The following CATSPERT variants were observed in gnomAD, a reference collection of about 807,000 sequenced individuals.
CATSPERT encodes catsper channel auxiliary subunit tau.
chr2:201,545,945 G>C, the CATSPERT span, among the ~76,000 whole-genome samples: 3 of 152,090 alleles, frequency 2.0e-5, no homozygotes, highest in Non-Finnish European at 4.4e-5. Flanking sequence ...ACTTCAGGGG[G>C]TATGAGAAGA....
chr2:201,580,537 T>C, the CATSPERT span, among the ~76,000 whole-genome samples: 12 of 152,238 alleles, frequency 7.9e-5, no homozygotes, highest in Non-Finnish European at 1.8e-4. Flanking sequence ...TCTTTTCTTC[T>C]CTTTTTTGAA....
chr2:201,545,572 T>C, the CATSPERT span: 1 of 1,476,078 alleles, frequency 6.8e-7, no homozygotes, highest in Non-Finnish European at 9.0e-7. Context: ...AAGCTCCTCT[T>C]CAGGATGATT....
chr2:201,529,690 C>T, the CATSPERT span, among the ~76,000 whole-genome samples: 1 of 152,102 alleles, frequency 6.6e-6, no homozygotes, highest in Admixed American at 6.5e-5. Flanking sequence ...CAATACTGGT[C>T]TATGCAATGA....
At chr2:201,502,295 C>T in the CATSPERT span, among the ~76,000 whole-genome samples, 2 of 152,202 alleles carry the variant, frequency 1.3e-5, no homozygotes, top group Non-Finnish European at 2.9e-5. Flanking sequence ...AAGTCTGGGC[C>T]GGGTGCAGTG....
chr2:201,542,408 A>G, the CATSPERT span, among the ~76,000 whole-genome samples: 1 of 152,196 alleles, frequency 6.6e-6, no homozygotes, highest in African/African-American at 2.4e-5. Flanking sequence ...GCAGGATCAT[A>G]TGATTTATCT....
At chr2:201,509,158 G>A in the CATSPERT span, among the ~76,000 whole-genome samples, 4 of 150,770 alleles carry the variant, frequency 2.7e-5, no homozygotes, top group Admixed American at 6.6e-5. Flanking sequence ...TCACCAACAC[G>A]TTATTTTCTT....
At chr2:201,616,325 C>T in the CATSPERT span, among the ~76,000 whole-genome samples, 6 of 152,240 alleles carry the variant, frequency 3.9e-5, no homozygotes, top group Admixed American at 2.6e-4. Context: ...ACTGGCAAAC[C>T]GAATCCAGCA....
At chr2:201,617,546 C>G in the CATSPERT span, among the ~76,000 whole-genome samples, 1 of 152,178 alleles carries the variant, frequency 6.6e-6, no homozygotes, top group East Asian at 1.9e-4. Context: ...ACGCCTTATA[C>G]AAAAATTAAT....
At chr2:201,512,833 T>C in the CATSPERT span, among the ~76,000 whole-genome samples, 5 of 151,642 alleles carry the variant, frequency 3.3e-5, no homozygotes, top group Non-Finnish European at 7.4e-5. Flanking sequence ...GGTAGTTGCA[T>C]GTATAGTTTT....
At chr2:201,593,143 A>G in the CATSPERT span, among the ~76,000 whole-genome samples, 1 of 150,320 alleles carries the variant, frequency 6.7e-6, no homozygotes, top group Non-Finnish European at 1.5e-5. Flanking sequence ...CCCTCTACAC[A>G]CTGCTTTGAA....
chr2:201,569,056 A>G, the CATSPERT span, among the ~76,000 whole-genome samples: 1 of 152,200 alleles, frequency 6.6e-6, no homozygotes, highest in Non-Finnish European at 1.5e-5. Context: ...AGTGTCTAGT[A>G]GTCCCCAAAA....
At chr2:201,527,655 G>A in the CATSPERT span, among the ~76,000 whole-genome samples, 1 of 152,122 alleles carries the variant, frequency 6.6e-6, no homozygotes, top group Non-Finnish European at 1.5e-5. Flanking sequence ...ACAAGCAGTG[G>A]GAAAGGCACT....
At chr2:201,581,569 TATATATATATATATATATATATATAC>T in the CATSPERT span, among the ~76,000 whole-genome samples, 7 of 77,056 alleles carry the variant, frequency 9.1e-5, no homozygotes, top group African/African-American at 1.5e-4. Context: ...TATATATATA[TATATATATATATATATATATATATAC>T]ACATACATAT....
the CATSPERT span, among the ~76,000 whole-genome samples, chr2:201,609,314 T>C: frequency 6.6e-6 from 1 of 152,168 alleles, no homozygotes; most frequent in African/African-American, 2.4e-5. Context: ...AAACATGGGA[T>C]TTAAATTACA....
At chr2:201,548,898 A>G in the CATSPERT span, among the ~76,000 whole-genome samples, 1 of 152,146 alleles carries the variant, frequency 6.6e-6, no homozygotes, top group African/African-American at 2.4e-5. Context: ...GTAAGATCTA[A>G]AGGGCCTGGA....
the CATSPERT span, among the ~76,000 whole-genome samples, chr2:201,546,345 A>C: frequency 1.3e-5 from 2 of 152,192 alleles, no homozygotes; most frequent in Non-Finnish European, 2.9e-5. Context: ...CAACATGTAT[A>C]GGTTAGAGTA....
chr2:201,537,538 A>G, the CATSPERT span: 2 of 1,238,728 alleles, frequency 1.6e-6, no homozygotes, highest in Non-Finnish European at 1.1e-6. Flanking sequence ...ACACATATGT[A>G]TGTACATTAA....
chr2:201,593,401 A>G, the CATSPERT span, among the ~76,000 whole-genome samples: 1 of 151,912 alleles, frequency 6.6e-6, no homozygotes, highest in Non-Finnish European at 1.5e-5. Context: ...TTTACTTCCA[A>G]CTATGTGGTC....
chr2:201,574,350 T>C, the CATSPERT span: 1 of 1,302,738 alleles, frequency 7.7e-7, no homozygotes, highest in East Asian at 2.5e-5. Context: ...AGTGATATTT[T>C]TACCTTACAA....
Sources: gnomAD v4.1 joint callset for allele counts (sites outside exome capture counted in the v4.1 genomes callset) on GRCh38, gnomAD v4.1.1 for gene constraint, MANE v1.5 for transcripts, NCBI Gene and HGNC (gene_info 2026-07-23, HGNC 2026-07-21) for gene names.